Variants in TTF1 observed in about 807,000 individuals in gnomAD.
The protein encoded by TTF1 is transcription termination factor, RNA polymerase I.
In TTF1, 64 loss-of-function variants were observed where a neutral mutation model predicts 80.2. The observed-to-expected ratio is 0.80, with a 90% CI of 0.65 to 0.98. The LOEUF is 0.98. Among genes scored for constraint, TTF1 ranks in the 50% least tolerant of loss-of-function variants. TTF1 has a pLI of 0.00. For missense variants in TTF1, 1,023 were observed against 1,086.2 expected (o/e 0.94, Z 0.82); for synonymous variants, 372 against 382.7 (o/e 0.97, Z 0.33).
chr9:132,395,250 A>G (rs960120733), intron 5 of TTF1, among the ~76,000 whole-genome samples: 1 of 152,128 alleles, frequency 6.6e-6, no homozygotes, highest in Non-Finnish European at 1.5e-5. Context: ...AAATAATAAT[A>G]ATTCTTTGAT....
intron 9 of TTF1, among the ~76,000 whole-genome samples, chr9:132,386,258 T>C (rs1849468202): frequency 6.6e-6 from 1 of 152,166 alleles, no homozygotes; most frequent in Non-Finnish European, 1.5e-5. Context: ...ATGATCTATG[T>C]GACACTAAAA....
chr9:132,402,966 C>G, intron 1 of TTF1, 138 bp from the exon 2 acceptor site: 1 of 819,394 alleles, frequency 1.2e-6, no homozygotes, highest in Non-Finnish European at 1.8e-6. Context: ...TGCCATTTTC[C>G]CGCCTCAGCC....
At chr9:132,399,397 CCT>C (rs1424862585) in intron 3 of TTF1, among the ~76,000 whole-genome samples, 1 of 151,820 alleles carries the variant, frequency 6.6e-6, no homozygotes, top group Non-Finnish European at 1.5e-5. Flanking sequence ...GGTTATGACT[CCT>C]CTTTTTACTT....
In TTF1 at chr9:132,393,935, T is replaced by TC. The variant is rs201146659; in HGVS notation, c.1857-1730dup. On this transcript the variant is annotated intron_variant, in intron 5 of 10. Coordinates refer to ENST00000334270, the MANE Select transcript of TTF1 (RefSeq NM_007344.4). ...AAAATACAATTTCTTTTTTTTTTTT[T>TC]CTTTGAGACAGGGTCTGGCTCTGTC... Among the ~76,000 whole-genome samples the TC allele has an allele frequency of 5.8e-3, 882 of 152,054 alleles. 14 individuals carry two copies. The highest frequency in any genetic ancestry group is 0.02 in the African/African-American group (841 of 41,454).
chr9:132,397,055 G>C (rs1849664952), intron 4 of TTF1, among the ~76,000 whole-genome samples: 1 of 152,062 alleles, frequency 6.6e-6, no homozygotes, highest in Non-Finnish European at 1.5e-5. Context: ...GTCTTGAAGA[G>C]CAGATACACA....
At chr9:132,394,153 A>G (rs1159312787) in intron 5 of TTF1, among the ~76,000 whole-genome samples, 1 of 152,120 alleles carries the variant, frequency 6.6e-6, no homozygotes, top group Non-Finnish European at 1.5e-5. Flanking sequence ...CGCCTGCCTC[A>G]GCCTCCCAAA....
Position 132,401,624 on chromosome 9 carries a change from C to A in TTF1, c.1198G>T (p.Ala400Ser), listed in dbSNP as rs1341135085. The A allele has an allele frequency of 6.2e-7, 1 of 1,614,186 alleles. No homozygotes were observed. The highest frequency in any genetic ancestry group is 1.7e-5 in the Admixed American group (1 of 60,022). Residue 400 changes from alanine (A) to serine (S), a missense_variant, in exon 2 of 11, where the codon GCA becomes TCA. Coordinates refer to ENST00000334270, the MANE Select transcript of TTF1 (RefSeq NM_007344.4). ...KKRKLTSVKRARVSGDDFSVP... is the reference protein window; with the variant it reads ...KKRKLTSVKRSRVSGDDFSVP... ...GAAAAATCATCACCAGACACTCGTG[C>A]CCTTTTGACAGACGTAAGCTTCCTT... is the stretch of plus-strand genomic sequence containing the variant.
intron 9 of TTF1, among the ~76,000 whole-genome samples, chr9:132,381,336 A>G (rs150420113): frequency 4.3e-4 from 66 of 151,980 alleles, no homozygotes; most frequent in African/African-American, 1.5e-3. Flanking sequence ...GATTACAGGT[A>G]CCTGCTACCA....
intron 7 of TTF1, among the ~76,000 whole-genome samples, chr9:132,388,925 A>C (rs1849515299): frequency 6.6e-6 from 1 of 152,262 alleles, no homozygotes; most frequent in Non-Finnish European, 1.5e-5. Context: ...CACGCTGATC[A>C]ACAACATTGT....
chr9:132,383,312 T>C (rs865842656), intron 9 of TTF1, among the ~76,000 whole-genome samples: 1 of 151,356 alleles, frequency 6.6e-6, no homozygotes. Flanking sequence ...GAAAATGCTA[T>C]CAAGGACATT....
At position 132,384,279 on chromosome 9, in the gene TTF1, A is replaced by C. The variant is rs1849420994; in HGVS notation, c.2378+2277T>G. Among the ~76,000 whole-genome samples the C allele has an allele frequency of 6.6e-6, 1 of 152,218 alleles. No homozygotes were observed. Among genetic ancestry groups the C allele is most frequent in the African/African-American group, 2.4e-5 (1 of 41,460 alleles). On this transcript the variant is annotated intron_variant, in intron 9 of 10. Coordinates refer to ENST00000334270, the MANE Select transcript of TTF1 (RefSeq NM_007344.4). This position sits in a 1 kb window ranked among gnomAD's most constrained non-coding sequence, Gnocchi z 4.1. The stretch of plus-strand genomic sequence containing the variant: ...CTTAGAAGAAAACATATGGCCTTAA[A>C]TGTATATTACAAAGAAAGAAAAATG...
In TTF1 at chr9:132,390,775, C is replaced by T. The variant is rs146001980; in HGVS notation, c.2044G>A (p.Glu682Lys). The T allele has an allele frequency of 3.2e-5, 52 of 1,614,072 alleles. No individual in the cohort carries two copies. Among genetic ancestry groups the T allele is most frequent in the Admixed American group, 1.5e-4 (9 of 59,984 alleles). The change falls in exon 7 of 11, where the codon GAA (glutamate) becomes AAA (lysine). Residue 682 changes from glutamate (E) to lysine (K), a missense_variant. Glu to Lys is a moderately conservative substitution (Grantham distance 56, BLOSUM62 1). Transcript: ENST00000334270. ...SETRKLIKAV[E>K]EVILKKMSPQ... ...GACATCTTCTTCAGAATCACTTCTT[C>T]GACAGCCTTGATTAGTTTCCGGGTT...
In TTF1 at chr9:132,390,648, T is replaced by C. The variant is rs1054864081; in HGVS notation, c.2171A>G (p.Glu724Gly). ...TCTGGTTTGCACTTTAGCTTCTACT[T>C]CTACCCAAGATATGCCCTTGTAGAG... ...EKLYKGISWV[E>G]VEAKVQTRNW... The change falls in exon 7 of 11, where the codon GAA (glutamate) becomes GGA (glycine). Residue 724 changes from glutamate (E) to glycine (G), a missense_variant. Physicochemically the swap from Glu to Gly is moderately conservative, Grantham distance 98 (BLOSUM62 -2). Transcript: ENST00000334270. 1.9e-6 allele frequency: 3 copies of C among 1,614,116 alleles called. No individual in the cohort carries two copies. The highest frequency in any genetic ancestry group is 2.5e-6 in the Non-Finnish European group (3 of 1,180,050).
chr9:132,402,273 T>G lies in TTF1; in HGVS notation c.549A>C (p.Ala183=). 1 of 1,614,122 alleles carries G rather than the reference T, an allele frequency of 6.2e-7. No homozygotes were observed. The highest frequency in any genetic ancestry group is 1.1e-5 in the South Asian group (1 of 91,084). Residue 183 remains alanine, a synonymous_variant, in exon 2 of 11, where the codon GCA becomes GCC. Coordinates refer to ENST00000334270, the MANE Select transcript of TTF1 (RefSeq NM_007344.4). ...ATTCTGACTGAGGCAGGGTGTCCCT[T>G]GCCCGCTGGCTCTCCCAGGATGCAG... The part of the protein sequence containing the change: ...RKAASWESQR[A]RDTLPQSESH...
intron 9 of TTF1, 177 bp from the exon 10 acceptor site, chr9:132,379,321 A>G (rs923795576): frequency 2.2e-6 from 1 of 464,054 alleles, no homozygotes; most frequent in Non-Finnish European, 3.7e-6. Context: ...ATGGAAAGCT[A>G]TTGTTTATTT....
Position 132,376,013 on chromosome 9 carries a change from C to G in TTF1, c.2620G>C (p.Gly874Arg), listed in dbSNP as rs761377515. The G allele has an allele frequency of 3.7e-6, 6 of 1,614,186 alleles. No individual in the cohort carries two copies. The South Asian group carries it at 6.6e-5, about 18-fold the overall frequency. Residue 874 changes from glycine (G) to arginine (R), a missense_variant, in exon 11 of 11, where the codon GGA becomes CGA. Transcript: ENST00000334270. ...DIFYYEDDSE[G>R]EDIEKESEGQ... The stretch of plus-strand genomic sequence containing the variant: ...TCGCTTTCTTTTTCTATGTCCTCTC[C>G]TTCACTATCGTCTTCATAATAAAAG...
At chr9:132,377,856 TGTG>T (rs1239807395) in intron 10 of TTF1, among the ~76,000 whole-genome samples, 1 of 138,308 alleles carries the variant, frequency 7.2e-6, no homozygotes, top group Non-Finnish European at 1.5e-5. Context: ...TGTGAATGCA[TGTG>T]GTGTGAGTGC....
At chr9:132,378,120 CATGCATGTGGTGT>C in intron 10 of TTF1, among the ~76,000 whole-genome samples, 1 of 56,742 alleles carries the variant, frequency 1.8e-5, no homozygotes, top group East Asian at 6.9e-4. Flanking sequence ...TGTGTGAGTG[CATGCATGTGGTGT>C]GTGTGAGTGC....
At position 132,396,529 on chromosome 9, in the gene TTF1, G is replaced by C. The variant is rs770749424; in HGVS notation, c.1778-18C>G. On this transcript the variant is annotated intron_variant, in intron 4 of 10. Transcript: ENST00000334270. ...GTTCCTACCTAAAGTCAGAAGAAAGGTGATCAGAGGGACTCACATGAAATG... is the reference window on the plus strand; with the variant it reads ...GTTCCTACCTAAAGTCAGAAGAAAGCTGATCAGAGGGACTCACATGAAATG... 5.0e-6 allele frequency: 8 copies of C among 1,609,410 alleles called. No homozygotes were observed. Among genetic ancestry groups the C allele is most frequent in the Non-Finnish European group, 6.8e-6 (8 of 1,175,812 alleles).
Sources: allele counts gnomAD v4.1 joint callset (sites outside exome capture counted in the v4.1 genomes callset), GRCh38; gene constraint gnomAD v4.1.1; non-coding constraint Gnocchi (gnomAD v3.1); transcripts MANE v1.5; gene names NCBI Gene and HGNC (gene_info 2026-07-23, HGNC 2026-07-21).